Variants in CHD5 observed in about 807,000 individuals in gnomAD.
CHD5 encodes chromodomain helicase DNA binding protein 5, also known as ATP-dependent chromatin remodeler CHD5.
Under a neutral mutation model 230.3 loss-of-function variants are expected in CHD5, and 69 were observed. The observed-to-expected ratio is 0.30, with a 90% confidence interval of 0.25 to 0.37. The LOEUF (loss-of-function observed/expected upper bound fraction) is 0.37, where lower values mean the gene tolerates loss of function less well. Among genes scored for constraint, CHD5 ranks in the 10% least tolerant of loss-of-function variants. The pLI is 1.00. For missense variants in CHD5, 1,827 were observed against 2,622.8 expected, an observed-to-expected ratio of 0.70 and a Z score of 6.63; for synonymous variants, 1,064 against 1,065.9, an observed-to-expected ratio of 1.00 and a Z score of 0.03.
intron 2 of CHD5, among the ~76,000 whole-genome samples, chr1:6,161,716 G>A (rs1041216460): frequency 1.3e-5 from 2 of 152,174 alleles, no homozygotes; most frequent in South Asian, 4.1e-4. Flanking sequence ...TCAGAGTTTG[G>A]CCAGCTTCAA....
rs147462024 is a variant in CHD5 at position 6,145,133 on chromosome 1, T to G, written c.1803-978A>C. Among the ~76,000 whole-genome samples, 75 of 151,884 alleles carry G rather than the reference T, an allele frequency of 4.9e-4. No individual in the cohort carries two copies. In the East Asian group the frequency reaches 0.013, roughly 26 times the overall value. Reference sequence around the variant, plus strand: ...GAGGAAAAGGGGGGTGTCCCATAGTTGAAGGGGGGCAGTTTTTCAAATTCC... The same window carrying G: ...GAGGAAAAGGGGGGTGTCCCATAGTGGAAGGGGGGCAGTTTTTCAAATTCC... On this transcript the variant is annotated intron_variant, in intron 11 of 41. Coordinates refer to ENST00000262450, the MANE Select transcript of CHD5 (RefSeq NM_015557.3).
At chr1:6,117,064 T>G (rs1159805066) in intron 33 of CHD5, among the ~76,000 whole-genome samples, 1 of 151,956 alleles carries the variant, frequency 6.6e-6, no homozygotes, top group Non-Finnish European at 1.5e-5. Context: ...CAGAATGAAA[T>G]TGACTATAAA....
At chr1:6,136,992 G>T in intron 15 of CHD5, 127 bp from the exon 16 acceptor site, 2 of 988,982 alleles carry the variant, frequency 2.0e-6, no homozygotes, top group Non-Finnish European at 1.4e-6. Context: ...CCCTGGGCCG[G>T]CCAGCCTAGG....
In CHD5 at chr1:6,121,833, G is replaced by A. The variant is rs941037526; in HGVS notation, c.4700-260C>T. On this transcript the variant is annotated intron_variant, in intron 31 of 41. Coordinates refer to ENST00000262450, the MANE Select transcript of CHD5 (RefSeq NM_015557.3). This position sits in a 1 kb window ranked among gnomAD's most constrained non-coding sequence, Gnocchi z 4.5. ...TGTCAGGACGGGGCCGCACACAGCC[G>A]TGGCTGCTCATCTGGAGGCAGGGAA... Among the ~76,000 whole-genome samples the A allele has an allele frequency of 2.0e-5, 3 of 152,200 alleles. No individual in the cohort carries two copies. Among genetic ancestry groups the A allele is most frequent in the Non-Finnish European group, 4.4e-5 (3 of 68,036 alleles).
At chr1:6,169,415 G>A (rs1571173106) in intron 1 of CHD5, among the ~76,000 whole-genome samples, 1 of 152,244 alleles carries the variant, frequency 6.6e-6, no homozygotes, top group Admixed American at 6.5e-5. Flanking sequence ...CGGGAAGGGA[G>A]TATGTTTGAC....
At chr1:6,140,667 T>C (rs906275800) in intron 15 of CHD5, among the ~76,000 whole-genome samples, 1 of 152,128 alleles carries the variant, frequency 6.6e-6, no homozygotes, top group Non-Finnish European at 1.5e-5. Context: ...AACATTCATG[T>C]CCACCCAGAA....
At position 6,149,301 on chromosome 1, in the gene CHD5, C is replaced by T. The variant is rs778168292; in HGVS notation, c.1106G>A (p.Cys369Tyr). 2 of 1,612,678 alleles carry T rather than the reference C, an allele frequency of 1.2e-6. No individual in the cohort carries two copies. Among genetic ancestry groups the T allele is most frequent in the South Asian group, 1.1e-5 (1 of 90,902 alleles). The change falls in exon 8 of 42, where the codon TGC (cysteine) becomes TAC (tyrosine). Residue 369 changes from cysteine (C) to tyrosine (Y), a missense_variant. Around this residue, in one of 14 missense-constraint regions of CHD5, gnomAD observed 657 missense variants for 816.4 expected, o/e 0.80. Transcript: ENST00000262450. ...AGCCTTCTCCAGCTCTGGGTCCAGGCATACGAGATGGTAGGCCCTCGGGCA... is the reference window on the plus strand; with the variant it reads ...AGCCTTCTCCAGCTCTGGGTCCAGGTATACGAGATGGTAGGCCCTCGGGCA... ...DTCPRAYHLV[C>Y]LDPELEKAPE...
Position 6,125,331 on chromosome 1 carries a change from G to A in CHD5, c.4261-98C>T, listed in dbSNP as rs931821470. ...AAGAAAAGCATGGGAGGAGGAGAAGGTAGGAAGGGGGCACAGAGAAGGCAG... is the reference window on the plus strand; with the variant it reads ...AAGAAAAGCATGGGAGGAGGAGAAGATAGGAAGGGGGCACAGAGAAGGCAG... On this transcript the variant is annotated intron_variant, in intron 28 of 41. Transcript: ENST00000262450. The surrounding 1 kb of genome is among the most constrained non-coding windows in gnomAD (Gnocchi z 6.7). 3.3e-5 allele frequency: 43 copies of A among 1,287,676 alleles called. No individual in the cohort carries two copies. The highest frequency in any genetic ancestry group is 4.5e-5 in the Non-Finnish European group (42 of 938,730). 79.8% of individuals were successfully genotyped at this position (1,287,676 alleles called of 1,614,324 possible).
rs2100846276 is a variant in CHD5 at position 6,128,785 on chromosome 1, C to T, written c.3619+53G>A. 1.3e-6 allele frequency: 2 copies of T among 1,515,602 alleles called. No individual in the cohort carries two copies. Among genetic ancestry groups the T allele is most frequent in the South Asian group, 2.3e-5 (2 of 87,086 alleles). The allele number at this position is 1,515,602 out of a possible 1,614,324, so 93.9% of individuals were successfully genotyped here. ...ACCCAAGCAAGCCCTGGATGGGTGT[C>T]TCAGCCGGGCCACCCCAGTCCCCTG... On this transcript the variant is annotated intron_variant, in intron 23 of 41. Coordinates refer to ENST00000262450, the MANE Select transcript of CHD5 (RefSeq NM_015557.3). This position sits in a 1 kb window ranked among gnomAD's most constrained non-coding sequence, Gnocchi z 7.8.
At chr1:6,127,394 G>A (rs149745032) in intron 25 of CHD5, among the ~76,000 whole-genome samples, 57 of 152,206 alleles carry the variant, frequency 3.7e-4, no homozygotes, top group African/African-American at 1.3e-3. Flanking sequence ...GCTGAGGCAC[G>A]AGAATCACTT....
intron 25 of CHD5, among the ~76,000 whole-genome samples, chr1:6,127,806 C>T (rs934057553): frequency 1.5e-4 from 23 of 152,178 alleles, no homozygotes; most frequent in African/African-American, 5.6e-4. Context: ...GTCCTGAGCC[C>T]GCGGGTGGAG....
chr1:6,128,031 G>C lies in CHD5; in HGVS notation c.3903+15C>G. 1 of 1,583,552 alleles carries C rather than the reference G, an allele frequency of 6.3e-7. No homozygotes were observed. Among genetic ancestry groups the C allele is most frequent in the Non-Finnish European group, 8.6e-7 (1 of 1,164,878 alleles). On this transcript the variant is annotated intron_variant, in intron 25 of 41. Coordinates refer to ENST00000262450, the MANE Select transcript of CHD5 (RefSeq NM_015557.3). This position sits in a 1 kb window ranked among gnomAD's most constrained non-coding sequence, Gnocchi z 7.8. The stretch of plus-strand genomic sequence containing the variant: ...AGGGCGGGGCTGCGGATGGAGGGCG[G>C]GCCGGGGACCTTACCACGCCGTCCT...
chr1:6,121,143 G>A lies in CHD5; in HGVS notation c.4874C>T (p.Thr1625Met), dbSNP rs774252696. The A allele has an allele frequency of 1.1e-5, 18 of 1,612,418 alleles. No individual in the cohort carries two copies. Among genetic ancestry groups the A allele is most frequent in the African/African-American group, 2.7e-5 (2 of 74,738 alleles). ...CTCCGGGGAGGGCGGGGCCTTCTCC[G>A]TCTCCTCTGGCCGCTCCTCTCGGGC... is the stretch of plus-strand genomic sequence containing the variant. The part of the protein sequence containing the change: ...ERAREERPEE[T>M]EKAPPSPEQL... The change falls in exon 33 of 42, where the codon ACG (threonine) becomes ATG (methionine). Residue 1625 changes from threonine to methionine, a missense_variant. Physicochemically the swap from Thr to Met is moderately conservative, Grantham distance 81 (BLOSUM62 -1). Coordinates refer to ENST00000262450, the MANE Select transcript of CHD5 (RefSeq NM_015557.3). This position sits in a 1 kb window ranked among gnomAD's most constrained non-coding sequence, Gnocchi z 4.5.
chr1:6,159,479 G>C lies in CHD5; in HGVS notation c.244C>G (p.Leu82Val). Residue 82 changes from leucine (L) to valine (V), a missense_variant, in exon 3 of 42, where the codon CTG becomes GTG. Physicochemically the swap from Leu to Val is conservative, Grantham distance 32. Coordinates refer to ENST00000262450, the MANE Select transcript of CHD5 (RefSeq NM_015557.3). ...CCTTCACTCTCCGACTTCTCTTCCA[G>C]ATCCTCTTCATTCTCTGATAGCTCA... ...NDELSENEED[L>V]EEKSESEGSD... 1 of 1,598,614 alleles carries C rather than the reference G, an allele frequency of 6.3e-7. No individual in the cohort carries two copies. Among genetic ancestry groups the C allele is most frequent in the Non-Finnish European group, 8.5e-7 (1 of 1,170,550 alleles).
rs1667064496 is a variant in CHD5, at chr1:6,155,299, C to T, written c.506+300G>A. Among the ~76,000 whole-genome samples the T allele has an allele frequency of 6.6e-6, 1 of 152,180 alleles. No individual in the cohort carries two copies. The highest frequency in any genetic ancestry group is 2.4e-5 in the African/African-American group (1 of 41,438). On this transcript the variant is annotated intron_variant, in intron 4 of 41. Coordinates refer to ENST00000262450, the MANE Select transcript of CHD5 (RefSeq NM_015557.3). The surrounding 1 kb of genome is among the most constrained non-coding windows in gnomAD (Gnocchi z 4.0). ...TACAGTGGGCCTTGGGGTCTCCGTC[C>T]CACCTCTACCAGAGCTGAGAGGCCA...
chr1:6,128,276 T>G lies in CHD5; in HGVS notation c.3731-58A>C. On this transcript the variant is annotated intron_variant, in intron 24 of 41. Transcript: ENST00000262450. This position sits in a 1 kb window ranked among gnomAD's most constrained non-coding sequence, Gnocchi z 7.8. ...AGACTGCCCTGGTCCAGCCCCGGGG[T>G]CCCAGGAACAGACTCCCAACAATGG... The G allele has an allele frequency of 6.5e-7, 1 of 1,546,466 alleles. No homozygotes were observed. Among genetic ancestry groups the G allele is most frequent in the Non-Finnish European group, 8.9e-7 (1 of 1,129,414 alleles).
intron 1 of CHD5, among the ~76,000 whole-genome samples, chr1:6,176,221 G>A (rs994751010): frequency 4.6e-5 from 7 of 152,184 alleles, no homozygotes; most frequent in Admixed American, 3.3e-4. Flanking sequence ...ACAGGGGTAG[G>A]GGTGCAGGCT....
chr1:6,113,899 A>G (rs1394420018), intron 33 of CHD5, among the ~76,000 whole-genome samples: 1 of 152,160 alleles, frequency 6.6e-6, no homozygotes, highest in Non-Finnish European at 1.5e-5. Context: ...AGCCTCCAGA[A>G]ACAAAAGGGG....
chr1:6,120,887 A>G (rs1044177800), intron 33 of CHD5, among the ~76,000 whole-genome samples: 7 of 151,576 alleles, frequency 4.6e-5, no homozygotes, highest in Admixed American at 1.3e-4. Flanking sequence ...TGGGTGACAG[A>G]GCGAAACCCT....
Sources: allele counts gnomAD v4.1 joint callset (sites outside exome capture counted in the v4.1 genomes callset), GRCh38; gene constraint gnomAD v4.1.1; regional missense constraint gnomAD v4.1.1; non-coding constraint Gnocchi (gnomAD v3.1); transcripts MANE v1.5; gene names NCBI Gene and HGNC (gene_info 2026-07-23, HGNC 2026-07-21).